ZNF268: variants seen among roughly 807,000 people sequenced by gnomAD.
ZNF268 encodes zinc finger protein 3.
In ZNF268, 20 loss-of-function variants were observed where a neutral mutation model predicts 29.3. That is an observed-to-expected ratio of 0.68 (90% confidence interval 0.48 to 0.99). The LOEUF is 0.99. Ranked by LOEUF, ZNF268 falls within the 50% of genes least tolerant of loss-of-function variation. The probability of loss-of-function intolerance (pLI) is 0.00; values close to 1 mark genes in which losing one functional copy is unlikely to be tolerated. For synonymous variants in ZNF268, 429 were observed against 376.9 expected (o/e 1.14, Z -1.60); for missense variants, 1,240 against 1,121.6 (o/e 1.11, Z -1.51).
chr12:133,182,959 G>A (rs1407603817), intron 2 of ZNF268, among the ~76,000 whole-genome samples: 2 of 152,170 alleles, frequency 1.3e-5, no homozygotes, highest in African/African-American at 4.8e-5. Flanking sequence ...TAGGAACTGG[G>A]GTGCATGGCA....
At position 133,207,305 on chromosome 12, in the gene ZNF268, G is replaced by T. The variant is rs1411608276; in HGVS notation, c.*2775G>T. 4.3e-5 allele frequency: 1 copy of T among 23,098 alleles called. No individual in the cohort carries two copies. The highest frequency in any genetic ancestry group is 1.0e-4 in the Non-Finnish European group (1 of 9,912). The allele number at this position is 23,098 out of a possible 1,614,324, so 1.4% of individuals were successfully genotyped here. A position where few individuals can be genotyped will look rare whatever the true frequency, so the allele number is the denominator to read the frequency against. On this transcript the variant is annotated 3_prime_UTR_variant, in exon 6 of 6. Transcript: ENST00000536435. ...TTGCAAACCATATTTGTGAACATAG[G>T]TTTAAAAATCCATATTTGTGAACAT...
intron 5 of ZNF268, 68 bp downstream of exon 5, chr12:133,192,071 C>T (rs559442767): frequency 3.0e-6 from 4 of 1,327,536 alleles, no homozygotes; most frequent in African/African-American, 2.9e-5. Flanking sequence ...TGATGTGCTC[C>T]TCTTGTTTGT....
chr12:133,213,553 G>A lies in ZNF268; in HGVS notation c.*9023G>A, dbSNP rs192365457. The A allele has an allele frequency of 1.3e-5, 2 of 151,934 alleles. No homozygotes were observed. The highest frequency in any genetic ancestry group is 3.9e-4 in the East Asian group (2 of 5,162). The allele number at this position is 151,934 out of a possible 1,614,324, so 9.4% of individuals were successfully genotyped here. ...AAAAAAAAAGAGAAAAAAAAAAGCCGGGTGTGGTGGCATGTGCCTGTAATC... is the reference window on the plus strand; with the variant it reads ...AAAAAAAAAGAGAAAAAAAAAAGCCAGGTGTGGTGGCATGTGCCTGTAATC... On this transcript the variant is annotated 3_prime_UTR_variant, in exon 6 of 6. Transcript: ENST00000536435.
intron 2 of ZNF268, among the ~76,000 whole-genome samples, chr12:133,183,020 T>C (rs990287758): frequency 6.6e-6 from 1 of 152,170 alleles, no homozygotes; most frequent in African/African-American, 2.4e-5. Flanking sequence ...CCGCCTCCTA[T>C]CAGAGGCTGC....
In ZNF268 at chr12:133,206,534, T is replaced by A. The variant is rs770684600; in HGVS notation, c.*2004T>A. The A allele has an allele frequency of 4.6e-5, 7 of 152,188 alleles. No homozygotes were observed. Among genetic ancestry groups the A allele is most frequent in the Non-Finnish European group, 8.8e-5 (6 of 68,040 alleles). The allele number at this position is 152,188 out of a possible 1,614,324, so 9.4% of individuals were successfully genotyped here. On this transcript the variant is annotated 3_prime_UTR_variant, in exon 6 of 6. Transcript: ENST00000536435. ...CTTCACTACCTCATCAGGTTTGTTA[T>A]GTGAGTGGGCATTAATCTGGGAAGA...
intron 5 of ZNF268, among the ~76,000 whole-genome samples, chr12:133,200,725 G>A (rs1299718055): frequency 6.6e-6 from 1 of 151,836 alleles, no homozygotes; most frequent in Non-Finnish European, 1.5e-5. Flanking sequence ...AAAGCTGTTT[G>A]CCTACCCTGT....
chr12:133,187,766 C>T, intron 2 of ZNF268, 106 bp from the exon 3 acceptor site: 1 of 1,146,206 alleles, frequency 8.7e-7, no homozygotes. Context: ...TTAAACCTGC[C>T]TTGTTTTCTA....
intron 3 of ZNF268, among the ~76,000 whole-genome samples, chr12:133,189,232 T>G (rs1401915651): frequency 1.4e-5 from 2 of 138,936 alleles, no homozygotes; most frequent in Middle Eastern, 3.5e-3. Flanking sequence ...TTTTTTTTTT[T>G]GAGATGGAGT....
At chr12:133,192,609 C>T (rs2135500042) in intron 5 of ZNF268, among the ~76,000 whole-genome samples, 1 of 152,266 alleles carries the variant, frequency 6.6e-6, no homozygotes, top group South Asian at 2.1e-4. Flanking sequence ...CAACCACAGT[C>T]CCATCTTCCT....
In ZNF268 at chr12:133,204,689, G is replaced by C. The variant is rs1196439349; in HGVS notation, c.*159G>C. 3 of 561,824 alleles carry C rather than the reference G, an allele frequency of 5.3e-6. No individual in the cohort carries two copies. In the Admixed American group the frequency reaches 1.1e-4, roughly 20 times the overall value. 34.8% of individuals were successfully genotyped at this position (561,824 alleles called of 1,614,324 possible). A position where few individuals can be genotyped will look rare whatever the true frequency, so the allele number is the denominator to read the frequency against. ...GCATATGGAAAGGCATCCACAGAAA[G>C]CTGTTCTTTACATGCAAAAAGATAG... On this transcript the variant is annotated 3_prime_UTR_variant, in exon 6 of 6. Transcript: ENST00000536435.
intron 5 of ZNF268, among the ~76,000 whole-genome samples, chr12:133,195,943 C>T (rs1023976497): frequency 6.6e-6 from 1 of 151,062 alleles, no homozygotes; most frequent in Non-Finnish European, 1.5e-5. Context: ...GAACTCCTGA[C>T]CTCAGGTGAT....
In ZNF268 at chr12:133,191,508, A is replaced by T; in HGVS notation, c.254A>T (p.Asp85Val). The change falls in exon 4 of 6, where the codon GAT (aspartate) becomes GTT (valine). Residue 85 changes from aspartate to valine, a missense_variant. Around this residue, in one of 3 missense-constraint regions of ZNF268, gnomAD observed 1,177 missense variants for 1,039.6 expected, o/e 1.13. Coordinates refer to ENST00000536435, the MANE Select transcript of ZNF268 (RefSeq NM_003415.3). Reference sequence around the variant, plus strand: ...TTTCAGGGACCTTTGTCATTCATGGATGTGTTTGTGGATTTTACCTGGGAG... The same window carrying T: ...TTTCAGGGACCTTTGTCATTCATGGTTGTGTTTGTGGATTTTACCTGGGAG... ...TKSWGPLSFM[D>V]VFVDFTWEEW... The T allele has an allele frequency of 6.2e-7, 1 of 1,613,888 alleles. No individual in the cohort carries two copies. Among genetic ancestry groups the T allele is most frequent in the Non-Finnish European group, 8.5e-7 (1 of 1,179,904 alleles).
chr12:133,214,760 G>A lies in ZNF268; in HGVS notation c.*10230G>A, dbSNP rs1957032486. The A allele has an allele frequency of 6.6e-6, 1 of 152,200 alleles. No individual in the cohort carries two copies. Among genetic ancestry groups the A allele is most frequent in the South Asian group, 2.1e-4 (1 of 4,832 alleles). 9.4% of individuals were successfully genotyped at this position (152,200 alleles called of 1,614,324 possible). A position where few individuals can be genotyped will look rare whatever the true frequency, so the allele number is the denominator to read the frequency against. On this transcript the variant is annotated 3_prime_UTR_variant, in exon 6 of 6. Transcript: ENST00000536435. ...TGTTGTGCATGGACTAAATGTCACA[G>A]AAATGTACATTTTTAAAAGTTAATT...
Position 133,181,619 on chromosome 12 carries a change from G to A in ZNF268, c.-120G>A, listed in dbSNP as rs1593861316. 1 of 201,000 alleles carries A rather than the reference G, an allele frequency of 5.0e-6. No individual in the cohort carries two copies. The highest frequency in any genetic ancestry group is 1.1e-4 in the East Asian group (1 of 8,770). 12.5% of individuals were successfully genotyped at this position (201,000 alleles called of 1,614,324 possible). A position where few individuals can be genotyped will look rare whatever the true frequency, so the allele number is the denominator to read the frequency against. On this transcript the variant is annotated 5_prime_UTR_variant, in exon 1 of 6. Transcript: ENST00000536435. ...GTGGTTGCGAACCCTTCTGGCTGCA[G>A]ATCTGGAGGTGGAGGCAGTACCCTG...
chr12:133,211,175 A>C lies in ZNF268; in HGVS notation c.*6645A>C, dbSNP rs1956973812. 2.8e-6 allele frequency: 1 copy of C among 352,572 alleles called. No homozygotes were observed. Among genetic ancestry groups the C allele is most frequent in the Non-Finnish European group, 5.6e-6 (1 of 179,282 alleles). The allele number at this position is 352,572 out of a possible 1,614,324, so 21.8% of individuals were successfully genotyped here. ...AATTTGTAATGAATAAAATCATTCA[A>C]AAAAATCTGAAAAAGTGTTTGTATG... On this transcript the variant is annotated 3_prime_UTR_variant, in exon 6 of 6. Coordinates refer to ENST00000536435, the MANE Select transcript of ZNF268 (RefSeq NM_003415.3).
Position 133,184,683 on chromosome 12 carries a change from C to T in ZNF268, c.33+2653C>T, listed in dbSNP as rs117228101. ...TTCCAGGCTGGAGTGCAGTGGCTAT[C>T]TCTGCTCACCACAACGTCTGCTTCC... On this transcript the variant is annotated intron_variant, in intron 2 of 5. Transcript: ENST00000536435. 272 of 451,450 alleles carry T rather than the reference C, an allele frequency of 6.0e-4. 2 individuals carry two copies. The East Asian group carries it at 0.013, about 21-fold the overall frequency. 28.0% of individuals were successfully genotyped at this position (451,450 alleles called of 1,614,324 possible). A position where few individuals can be genotyped will look rare whatever the true frequency, so the allele number is the denominator to read the frequency against.
At chr12:133,185,116 A>G (rs537419064) in intron 2 of ZNF268, among the ~76,000 whole-genome samples, 14 of 149,296 alleles carry the variant, frequency 9.4e-5, no homozygotes, top group Non-Finnish European at 1.8e-4. Context: ...CCCCAGGAGT[A>G]GGAGGTTGCA....
In ZNF268 at chr12:133,204,199, G is replaced by T; in HGVS notation, c.2513G>T (p.Cys838Phe). ...RTHAGVNPYK[C>F]SQCEKSFSGK... ...CATGCAGGGGTCAACCCTTATAAAT[G>T]CAGTCAATGTGAGAAATCCTTCAGT... The change falls in exon 6 of 6, where the codon TGC (cysteine) becomes TTC (phenylalanine). Residue 838 changes from cysteine to phenylalanine, a missense_variant. By Grantham distance (205) the Cys-to-Phe change is radical. Around this residue, in one of 3 missense-constraint regions of ZNF268, gnomAD observed 1,177 missense variants for 1,039.6 expected, o/e 1.13. Transcript: ENST00000536435. The T allele has an allele frequency of 6.5e-7, 1 of 1,540,530 alleles. No individual in the cohort carries two copies. The highest frequency in any genetic ancestry group is 8.7e-7 in the Non-Finnish European group (1 of 1,147,284).
Position 133,205,175 on chromosome 12 carries a change from C to CAAAAAAAAAA in ZNF268, c.*647_*648insAAAAAAAAAA, listed in dbSNP as rs1343948566. 3.7e-4 allele frequency: 8 copies of CAAAAAAAAAA among 21,786 alleles called. No individual in the cohort carries two copies. In the East Asian group the frequency reaches 0.02, roughly 55 times the overall value. 1.3% of individuals were successfully genotyped at this position (21,786 alleles called of 1,614,324 possible). On this transcript the variant is annotated 3_prime_UTR_variant, in exon 6 of 6. Transcript: ENST00000536435. ...AAAAAAAAAAAAAAAAAAAAAAAAC[C>CAAAAAAAAAA]AACCTGTTATTATATCTTAATATTA...
Sources: gnomAD v4.1 joint callset for allele counts (sites outside exome capture counted in the v4.1 genomes callset) on GRCh38, gnomAD v4.1.1 for gene constraint, gnomAD v4.1.1 regional missense constraint, MANE v1.5 for transcripts, NCBI Gene and HGNC (gene_info 2026-07-23, HGNC 2026-07-21) for gene names.